RPH3A: variants seen among roughly 807,000 people sequenced by gnomAD.
RPH3A encodes rabphilin 3A.
Under a neutral mutation model 102.2 loss-of-function variants are expected in RPH3A, and 48 were observed. That is an observed-to-expected ratio of 0.47 (90% CI 0.37 to 0.60). The LOEUF is 0.60. Among genes scored for constraint, RPH3A ranks in the 20% least tolerant of loss-of-function variants. The probability of loss-of-function intolerance (pLI) is 0.00; values close to 1 mark genes in which losing one functional copy is unlikely to be tolerated. For missense variants in RPH3A, 781 were observed against 910.1 expected (o/e 0.86, Z 1.83); for synonymous variants, 310 against 324.3 (o/e 0.96, Z 0.47).
At position 112,614,247 on chromosome 12, in the gene RPH3A, T is replaced by C. The variant is rs184692160; in HGVS notation, c.-140+38928T>C. Among the ~76,000 whole-genome samples the C allele has an allele frequency of 6.2e-3, 944 of 152,144 alleles. 11 individuals carry two copies. Among genetic ancestry groups the C allele is most frequent in the African/African-American group, 0.022 (902 of 41,512 alleles). On this transcript the variant is annotated intron_variant, in intron 1 of 21. Transcript: ENST00000543106. The stretch of plus-strand genomic sequence containing the variant: ...TTGTGGCAATTTGTCACAGCAGCAA[T>C]GGGAAATAGAACACCAGATGTTTGT...
In RPH3A at chr12:112,894,508, C is replaced by A. The variant is rs1231684969; in HGVS notation, c.1776-70C>A. 5.2e-6 allele frequency: 7 copies of A among 1,346,910 alleles called. No individual in the cohort carries two copies. The African/African-American group carries it at 7.3e-5, about 14-fold the overall frequency. 83.4% of individuals were successfully genotyped at this position (1,346,910 alleles called of 1,614,324 possible). A position where few individuals can be genotyped will look rare whatever the true frequency, so the allele number is the denominator to read the frequency against. ...TCAATTCACCCTGATAAAGAAGGGG[C>A]CTTTGGGGTCAAGAGGCTGTTCTTA... is the stretch of plus-strand genomic sequence containing the variant. On this transcript the variant is annotated intron_variant, in intron 19 of 21. Transcript: ENST00000389385.
chr12:112,611,105 A>C (rs978541101), intron 1 of RPH3A, among the ~76,000 whole-genome samples: 4 of 152,240 alleles, frequency 2.6e-5, no homozygotes, highest in African/African-American at 9.6e-5. Context: ...TGTTCAATGA[A>C]TGAACCATTA....
intron 1 of RPH3A, among the ~76,000 whole-genome samples, chr12:112,713,765 A>C (rs776661181): frequency 3.9e-5 from 6 of 152,158 alleles, no homozygotes; most frequent in Non-Finnish European, 7.4e-5. Flanking sequence ...ATTTGAAAGG[A>C]CTCAAGGGAT....
chr12:112,875,901 G>C (rs1351522900), intron 12 of RPH3A, among the ~76,000 whole-genome samples, 160 bp downstream of exon 12: 1 of 152,190 alleles, frequency 6.6e-6, no homozygotes, highest in East Asian at 1.9e-4. Flanking sequence ...TAGATAGTCC[G>C]TACTAAGATT....
At chr12:112,677,338 C>G (rs1213269829) in intron 1 of RPH3A, among the ~76,000 whole-genome samples, 1 of 114,952 alleles carries the variant, frequency 8.7e-6, no homozygotes, top group Non-Finnish European at 1.9e-5. Context: ...ATTTTCCCTC[C>G]CTCCTTCCCT....
intron 1 of RPH3A, among the ~76,000 whole-genome samples, chr12:112,755,453 G>A (rs1231664748): frequency 6.6e-6 from 1 of 152,134 alleles, no homozygotes; most frequent in South Asian, 2.1e-4. Context: ...CCTTAACAGA[G>A]CTCATGCTAG....
At chr12:112,867,736 G>A (rs931572218) in intron 7 of RPH3A, among the ~76,000 whole-genome samples, 7 of 152,174 alleles carry the variant, frequency 4.6e-5, no homozygotes, top group African/African-American at 1.2e-4. Context: ...AATAAATACC[G>A]TAGTCCCACC....
intron 1 of RPH3A, among the ~76,000 whole-genome samples, chr12:112,585,083 G>A (rs2039428332): frequency 6.6e-6 from 1 of 152,142 alleles, no homozygotes; most frequent in Non-Finnish European, 1.5e-5. Context: ...AGAACTTGGA[G>A]TCCGATGTTC....
At chr12:112,734,650 T>C (rs1299681404) in intron 1 of RPH3A, among the ~76,000 whole-genome samples, 2 of 152,226 alleles carry the variant, frequency 1.3e-5, no homozygotes, top group Admixed American at 6.5e-5. Flanking sequence ...TTCTTGATCA[T>C]ATGCTAAACA....
chr12:112,744,726 G>A (rs1313029442), intron 1 of RPH3A, among the ~76,000 whole-genome samples: 1 of 152,156 alleles, frequency 6.6e-6, no homozygotes, highest in African/African-American at 2.4e-5. Flanking sequence ...GGGTTGACAA[G>A]GTCGCACAGT....
intron 1 of RPH3A, among the ~76,000 whole-genome samples, chr12:112,760,306 T>C (rs898847308): frequency 2.3e-4 from 35 of 152,268 alleles, no homozygotes; most frequent in Non-Finnish European, 1.6e-4. Context: ...CTGGGCCTCA[T>C]TGTCTTCTTT....
chr12:112,636,813 C>CTAGACTT (rs369953795), intron 1 of RPH3A, among the ~76,000 whole-genome samples: 91 of 152,272 alleles, frequency 6.0e-4, no homozygotes, highest in Non-Finnish European at 7.5e-4. Flanking sequence ...ACACTCTACT[C>CTAGACTT]TAGACTTTCT....
intron 1 of RPH3A, among the ~76,000 whole-genome samples, chr12:112,702,477 A>G (rs2040400721): frequency 6.6e-6 from 1 of 152,190 alleles, no homozygotes. Flanking sequence ...GGCAGGTACA[A>G]TGGCCTGCCT....
At chr12:112,710,469 A>G (rs2040453166) in intron 1 of RPH3A, among the ~76,000 whole-genome samples, 1 of 152,116 alleles carries the variant, frequency 6.6e-6, no homozygotes, top group South Asian at 2.1e-4. Context: ...GTACCCTGTA[A>G]AGTCCCCAGG....
chr12:112,802,306 A>G (rs563547474), intron 2 of RPH3A, among the ~76,000 whole-genome samples: 1 of 152,278 alleles, frequency 6.6e-6, no homozygotes, highest in South Asian at 2.1e-4. Context: ...TGCCTCTGCT[A>G]CCTACTGCCT....
intron 19 of RPH3A, among the ~76,000 whole-genome samples, chr12:112,892,010 T>A (rs2043104875): frequency 6.6e-6 from 1 of 152,256 alleles, no homozygotes; most frequent in Non-Finnish European, 1.5e-5. Flanking sequence ...GAGTTCCACT[T>A]ATCTCCAAGG....
intron 1 of RPH3A, chr12:112,694,983 TTTATA>T (rs1168532493): frequency 1.2e-5 from 2 of 170,268 alleles, no homozygotes; most frequent in Non-Finnish European, 2.9e-5. Context: ...TGCTGTAAGT[TTTATA>T]TACAACATTT....
At chr12:112,700,909 T>C (rs2040388995) in intron 1 of RPH3A, among the ~76,000 whole-genome samples, 1 of 152,188 alleles carries the variant, frequency 6.6e-6, no homozygotes, top group Non-Finnish European at 1.5e-5. Flanking sequence ...TCCCTTCATC[T>C]CCATCCCCAG....
At chr12:112,740,864 A>G (rs1464332750) in intron 1 of RPH3A, among the ~76,000 whole-genome samples, 4 of 152,126 alleles carry the variant, frequency 2.6e-5, no homozygotes, top group Non-Finnish European at 5.9e-5. Context: ...CTGTTCCTCC[A>G]CACCTCCACT....
Sources: gnomAD v4.1 joint callset for allele counts (sites outside exome capture counted in the v4.1 genomes callset) on GRCh38, gnomAD v4.1.1 for gene constraint, MANE v1.5 for transcripts, NCBI Gene and HGNC (gene_info 2026-07-23, HGNC 2026-07-21) for gene names.